The following DYRK4 variants were observed in gnomAD, a reference collection of about 807,000 sequenced individuals.
DYRK4 encodes the protein dual specificity tyrosine phosphorylation regulated kinase 4.
Under a neutral mutation model 68.3 loss-of-function variants are expected in DYRK4, and 64 were observed. The ratio of observed to expected loss-of-function variants is 0.94; its 90% CI spans 0.77 to 1.15. DYRK4 has a LOEUF of 1.15. Ranked by LOEUF, DYRK4 falls within the 50% of genes most tolerant of loss-of-function variation. DYRK4 has a pLI of 0.00. For missense variants in DYRK4, 740 were observed against 764.7 expected, an observed-to-expected ratio of 0.97 and a Z score of 0.38; for synonymous variants, 274 against 289.9, an observed-to-expected ratio of 0.95 and a Z score of 0.56.
At chr12:4,593,564 T>C (rs753297013) in intron 6 of DYRK4, among the ~76,000 whole-genome samples, 1 of 152,208 alleles carries the variant, frequency 6.6e-6, no homozygotes, top group Non-Finnish European at 1.5e-5. Context: ...TTATAGTAGA[T>C]GTCACTTCCC....
At chr12:4,573,630 GGT>G (rs1944754924) in intron 2 of DYRK4, among the ~76,000 whole-genome samples, 1 of 152,088 alleles carries the variant, frequency 6.6e-6, no homozygotes, top group Non-Finnish European at 1.5e-5. Context: ...CTGCCCTCCC[GGT>G]GTGTGTTATA....
At chr12:4,563,152 C>T (rs367763062) in intron 1 of DYRK4, 2 of 455,928 alleles carry the variant, frequency 4.4e-6, no homozygotes, top group East Asian at 1.4e-4. Flanking sequence ...CTTGCTTGAG[C>T]GATTTGATCA....
At chr12:4,611,244 G>A (rs1389735948) in intron 13 of DYRK4, among the ~76,000 whole-genome samples, 1 of 152,130 alleles carries the variant, frequency 6.6e-6, no homozygotes, top group East Asian at 1.9e-4. Flanking sequence ...CCCATCGTAG[G>A]GGGTCATGCT....
rs74060048 is a variant in DYRK4 at position 4,580,811 on chromosome 12, A to T, written c.133-8126A>T. On this transcript the variant is annotated intron_variant, in intron 2 of 14. Coordinates refer to ENST00000543431, the MANE Select transcript of DYRK4 (RefSeq NM_001394779.1). The stretch of plus-strand genomic sequence containing the variant: ...GGCACTTAGGGATTTTTTTTTTTTT[A>T]AATGGGAAACAGGAAGAGACAAGGA... 1,760 of 440,206 alleles carry T rather than the reference A, an allele frequency of 4.0e-3. 26 individuals carry two copies. Among genetic ancestry groups the T allele is most frequent in the African/African-American group, 0.032 (1,525 of 47,726 alleles). The allele number at this position is 440,206 out of a possible 1,614,324, so 27.3% of individuals were successfully genotyped here.
At chr12:4,573,403 T>C (rs887034655) in intron 2 of DYRK4, 6 of 1,287,126 alleles carry the variant, frequency 4.7e-6, no homozygotes, top group Non-Finnish European at 6.1e-6. Context: ...TGCTTTAATT[T>C]CCAATCAAAG....
rs372119957 is a variant in DYRK4 at position 4,612,569 on chromosome 12, C to T, written c.1517C>T (p.Pro506Leu). Residue 506 changes from proline to leucine, a missense_variant, in exon 14 of 15, where the codon CCG (proline) becomes CTG (leucine). Pro to Leu is a moderately conservative substitution (Grantham distance 98). Coordinates refer to ENST00000543431, the MANE Select transcript of DYRK4 (RefSeq NM_001394779.1). ...TGGGAACCTTCTCTTCGCATGACCC[C>T]GGACCAGGCCCTCAAGCATGCTTGG... ...LVWEPSLRMTPDQALKHAWIH... is the reference protein window; with the variant it reads ...LVWEPSLRMTLDQALKHAWIH... 2.1e-5 allele frequency: 34 copies of T among 1,614,188 alleles called. No individual in the cohort carries two copies. The highest frequency in any genetic ancestry group is 8.9e-5 in the East Asian group (4 of 44,878).
rs1565538301 is a variant in DYRK4, at chr12:4,593,153, C to T, written c.615C>T (p.Gly205=). The change falls in exon 6 of 15, where the codon GGC becomes GGT. Residue 205 remains glycine, a synonymous_variant. Coordinates refer to ENST00000543431, the MANE Select transcript of DYRK4 (RefSeq NM_001394779.1). ...AGACGAGTTTTGATGATGAGCATGG[C>T]TTCTATCTGAAGGTGATGGGGGTGG... ...FSKTSFDDEH[G]FYLKVLHDHI... 6.2e-7 allele frequency: 1 copy of T among 1,613,732 alleles called. No homozygotes were observed. Among genetic ancestry groups the T allele is most frequent in the South Asian group, 1.1e-5 (1 of 91,052 alleles).
In DYRK4 at chr12:4,596,683, T is replaced by A. The variant is rs1243893467; in HGVS notation, c.859T>A (p.Phe287Ile). 3 of 1,614,080 alleles carry A rather than the reference T, an allele frequency of 1.9e-6. No homozygotes were observed. In the Admixed American group the frequency reaches 5.0e-5, roughly 27 times the overall value. ...CTACAATGTGGTGCATATGAAGGAC[T>A]TTTTCTACTTTCGCAATCACTTCTG... ...NTYNVVHMKD[F>I]FYFRNHFCIT... The change falls in exon 8 of 15, where the codon TTT (phenylalanine) becomes ATT (isoleucine). Residue 287 changes from phenylalanine (F) to isoleucine (I), a missense_variant. This residue lies in a region of DYRK4 where 614 missense variants were observed against 603.7 expected (regional missense o/e 1.02). Transcript: ENST00000543431.
At position 4,591,540 on chromosome 12, in the gene DYRK4, T is replaced by C. The variant is rs1293557403; in HGVS notation, c.463+242T>C. 4.1e-6 allele frequency: 2 copies of C among 489,880 alleles called. No individual in the cohort carries two copies. The highest frequency in any genetic ancestry group is 6.3e-5 in the East Asian group (2 of 31,520). The allele number at this position is 489,880 out of a possible 1,614,324, so 30.3% of individuals were successfully genotyped here. On this transcript the variant is annotated intron_variant, in intron 5 of 14. Coordinates refer to ENST00000543431, the MANE Select transcript of DYRK4 (RefSeq NM_001394779.1). This position sits in a 1 kb window ranked among gnomAD's most constrained non-coding sequence, Gnocchi z 4.1. Reference sequence around the variant, plus strand: ...TCTGGGCAAGGGCGGGATGTACCAATGCAGACAGAAGGAAGTGTCTCATTT... The same window carrying C: ...TCTGGGCAAGGGCGGGATGTACCAACGCAGACAGAAGGAAGTGTCTCATTT...
intron 2 of DYRK4, among the ~76,000 whole-genome samples, chr12:4,578,975 T>C (rs1190483472): frequency 6.6e-6 from 1 of 152,178 alleles, no homozygotes; most frequent in Non-Finnish European, 1.5e-5. Flanking sequence ...CACAGTCTAG[T>C]GTGACATAAA....
intron 2 of DYRK4, among the ~76,000 whole-genome samples, chr12:4,576,896 T>G (rs945411251): frequency 6.6e-6 from 1 of 152,244 alleles, no homozygotes; most frequent in African/African-American, 2.4e-5. Context: ...CTTTGTATAC[T>G]TAGACACAAT....
At position 4,564,215 on chromosome 12, in the gene DYRK4, C is replaced by A. The variant is rs1255568493; in HGVS notation, c.38+1932C>A. On this transcript the variant is annotated intron_variant, in intron 1 of 14. Coordinates refer to ENST00000543431, the MANE Select transcript of DYRK4 (RefSeq NM_001394779.1). The stretch of plus-strand genomic sequence containing the variant: ...AGTGTTTAATAAATCAGTAGAATGA[C>A]AATAGTAAACAATAATCTATTGTAT... Among the ~76,000 whole-genome samples the A allele has an allele frequency of 2.6e-5, 4 of 152,006 alleles. No homozygotes were observed. In the East Asian group the frequency reaches 7.7e-4, roughly 29 times the overall value.
At chr12:4,570,682 A>C (rs1023894155) in intron 2 of DYRK4, among the ~76,000 whole-genome samples, 1 of 152,210 alleles carries the variant, frequency 6.6e-6, no homozygotes, top group African/African-American at 2.4e-5. Flanking sequence ...TAAATTAATA[A>C]TTATTTATGT....
chr12:4,598,086 A>G (rs1337749401), intron 8 of DYRK4, among the ~76,000 whole-genome samples: 1 of 151,998 alleles, frequency 6.6e-6, no homozygotes, highest in East Asian at 1.9e-4. Context: ...AAAAAGAATG[A>G]ATGGCTCTGG....
At chr12:4,565,621 C>T (rs1372472802) in intron 1 of DYRK4, among the ~76,000 whole-genome samples, 1 of 144,264 alleles carries the variant, frequency 6.9e-6, no homozygotes, top group Non-Finnish European at 1.5e-5. Context: ...GAAGATTTCA[C>T]ATTTACTTTT....
chr12:4,591,009 G>A lies in DYRK4; in HGVS notation c.325-151G>A, dbSNP rs1944948058. The A allele has an allele frequency of 2.3e-6, 2 of 881,716 alleles. No homozygotes were observed. Among genetic ancestry groups the A allele is most frequent in the Admixed American group, 5.8e-5 (2 of 34,758 alleles). 54.6% of individuals were successfully genotyped at this position (881,716 alleles called of 1,614,324 possible). The stretch of plus-strand genomic sequence containing the variant: ...ATGCTTCCTTTGGGAGAGAGGTAGG[G>A]AGAACCTTCTGTCTCTTAATCGCTG... On this transcript the variant is annotated intron_variant, in intron 4 of 14. Transcript: ENST00000543431. This position sits in a 1 kb window ranked among gnomAD's most constrained non-coding sequence, Gnocchi z 4.1.
intron 8 of DYRK4, chr12:4,597,151 T>C: frequency 9.6e-7 from 1 of 1,044,338 alleles, no homozygotes; most frequent in Non-Finnish European, 1.2e-6. Flanking sequence ...GGTTTTGATT[T>C]TGAGTAAATA....
In DYRK4 at chr12:4,596,584, C is replaced by G; in HGVS notation, c.765-5C>G. 2 of 1,613,256 alleles carry G rather than the reference C, an allele frequency of 1.2e-6. No individual in the cohort carries two copies. The highest frequency in any genetic ancestry group is 1.7e-6 in the Non-Finnish European group (2 of 1,179,822). On this transcript the variant is annotated splice_region_variant and splice_polypyrimidine_tract_variant and intron_variant, in intron 7 of 14. Coordinates refer to ENST00000543431, the MANE Select transcript of DYRK4 (RefSeq NM_001394779.1). ...CACCCTGCCGGCCACTCCCAATCACCTTAGGTTTCACCAGCAGGCCCTGAT... is the reference window on the plus strand; with the variant it reads ...CACCCTGCCGGCCACTCCCAATCACGTTAGGTTTCACCAGCAGGCCCTGAT...
intron 3 of DYRK4, 129 bp from the exon 4 acceptor site, chr12:4,590,201 G>A: frequency 7.1e-7 from 1 of 1,412,100 alleles, no homozygotes. Flanking sequence ...TTTAAGAATA[G>A]GTTTAGGTCC....
Sources: gnomAD v4.1 joint callset for allele counts (sites outside exome capture counted in the v4.1 genomes callset) on GRCh38, gnomAD v4.1.1 for gene constraint, gnomAD v4.1.1 regional missense constraint, Gnocchi (gnomAD v3.1) non-coding constraint, MANE v1.5 for transcripts, NCBI Gene and HGNC (gene_info 2026-07-23, HGNC 2026-07-21) for gene names.